The following AEN variants were observed in gnomAD, a reference collection of about 807,000 sequenced individuals.
AEN encodes apoptosis-enhancing nuclease.
Under a neutral mutation model 17.7 loss-of-function variants are expected in AEN, and 21 were observed. The observed-to-expected ratio is 1.19, with a 90% CI of 0.84 to 1.71. AEN has a LOEUF of 1.71. Ranked by LOEUF, AEN falls within the 40% of genes most tolerant of loss-of-function variation. AEN has a pLI of 0.00. For missense variants in AEN, 462 were observed against 435.9 expected (o/e 1.06, Z -0.53); for synonymous variants, 190 against 173.0 (o/e 1.10, Z -0.77).
chr15:88,621,576 G>T (rs1487149128), intron 1 of AEN, 194 bp downstream of exon 1: 1 of 152,340 alleles, frequency 6.6e-6, no homozygotes, highest in Admixed American at 6.5e-5. Flanking sequence ...TCTGCTCGGG[G>T]GTCCAGGGCC....
chr15:88,630,482 A>G lies in AEN; in HGVS notation c.*188A>G. ...ACACAGCATAGCCCTCTCTCTCTCC[A>G]GGGCTGTTGGTTCTTTCTTCTGACT... On this transcript the variant is annotated 3_prime_UTR_variant, in exon 4 of 4. Coordinates refer to ENST00000332810, the MANE Select transcript of AEN (RefSeq NM_022767.4). This position sits in a 1 kb window ranked among gnomAD's most constrained non-coding sequence, Gnocchi z 5.1. The G allele has an allele frequency of 1.7e-6, 1 of 602,738 alleles. No individual in the cohort carries two copies. The highest frequency in any genetic ancestry group is 2.0e-5 in the South Asian group (1 of 49,224). 37.3% of individuals were successfully genotyped at this position (602,738 alleles called of 1,614,324 possible). A position where few individuals can be genotyped will look rare whatever the true frequency, so the allele number is the denominator to read the frequency against.
At chr15:88,613,592 G>T in the AEN span, among the ~76,000 whole-genome samples, 1 of 151,638 alleles carries the variant, frequency 6.6e-6, no homozygotes, top group Non-Finnish European at 1.5e-5. Context: ...ATCTCGGGGG[G>T]GGATGTGGGG....
At chr15:88,629,186 G>C (rs367776576) in intron 2 of AEN, 40 bp from the exon 3 acceptor site, 1 of 1,605,246 alleles carries the variant, frequency 6.2e-7, no homozygotes. Context: ...AACCTGATGG[G>C]GTGTGGGGTG....
At chr15:88,620,117 T>C (rs1417864668), upstream of AEN, among the ~76,000 whole-genome samples, 1 of 152,098 alleles carries the variant, frequency 6.6e-6, no homozygotes, top group East Asian at 1.9e-4. Context: ...TGTACTCCCA[T>C]CAGAAAGAGC....
At chr15:88,613,577 C>T in the AEN span, among the ~76,000 whole-genome samples, 1 of 134,768 alleles carries the variant, frequency 7.4e-6, no homozygotes, top group Non-Finnish European at 1.6e-5. Context: ...CTCAGTGAAA[C>T]AAGCATCTCG....
At chr15:88,607,497 A>G in the AEN span, among the ~76,000 whole-genome samples, 1 of 152,256 alleles carries the variant, frequency 6.6e-6, no homozygotes, top group African/African-American at 2.4e-5. Flanking sequence ...TGCTCTGTGC[A>G]CTGTTTCATC....
At chr15:88,627,320 T>C (rs1480866392) in intron 2 of AEN, 2 of 153,286 alleles carry the variant, frequency 1.3e-5, no homozygotes, top group Non-Finnish European at 2.9e-5. Flanking sequence ...ATCATCACAC[T>C]GTGTAGACTT....
intron 3 of AEN, among the ~76,000 whole-genome samples, chr15:88,629,795 C>G (rs1479744789): frequency 1.3e-5 from 2 of 152,182 alleles, no homozygotes; most frequent in Non-Finnish European, 2.9e-5. Flanking sequence ...TCCTGTTGGG[C>G]TTCACATTTA....
rs981637766 is a variant in AEN, at chr15:88,621,390, C to A, written c.-65+8C>A. On this transcript the variant is annotated splice_region_variant and intron_variant, in intron 1 of 3. Transcript: ENST00000332810. ...AGACACGCGGGGCTTCAGGTGAGAT[C>A]CAGGACCCTGCACCGGGGCGGCGGG... 3.3e-5 allele frequency: 5 copies of A among 152,344 alleles called. No individual in the cohort carries two copies. The highest frequency in any genetic ancestry group is 1.2e-4 in the African/African-American group (5 of 41,478). 9.4% of individuals were successfully genotyped at this position (152,344 alleles called of 1,614,324 possible). A position where few individuals can be genotyped will look rare whatever the true frequency, so the allele number is the denominator to read the frequency against.
chr15:88,608,064 T>C, the AEN span: 39 of 494,064 alleles, frequency 7.9e-5, no homozygotes, highest in East Asian at 2.2e-3. Flanking sequence ...ATTTTCTTTA[T>C]GGACAAAGGG....
At chr15:88,625,514 A>T (rs1188860457) in intron 1 of AEN, among the ~76,000 whole-genome samples, 1 of 152,212 alleles carries the variant, frequency 6.6e-6, no homozygotes, top group Non-Finnish European at 1.5e-5. Context: ...CAAAATAAAT[A>T]AATTAATTAA....
chr15:88,612,435 T>C, the AEN span, among the ~76,000 whole-genome samples: 1,792 of 152,286 alleles, frequency 0.012, 35 homozygotes, highest in African/African-American at 0.04. Flanking sequence ...ATGGAATTTC[T>C]TGGTCCCAGT....
Position 88,626,299 on chromosome 15 carries a change from C to T in AEN, c.90C>T (p.His30=), listed in dbSNP as rs371393876. 1.9e-6 allele frequency: 3 copies of T among 1,613,538 alleles called. No individual in the cohort carries two copies. The highest frequency in any genetic ancestry group is 2.7e-5 in the African/African-American group (2 of 74,932). ...PNAKDVLRKR[H]KRRSRQHQRF... The stretch of plus-strand genomic sequence containing the variant: ...CCAAGGATGTGCTTCGGAAGAGGCA[C>T]AAGAGAAGGAGCCGACAGCACCAGC... Residue 30 remains histidine, a synonymous_variant, in exon 2 of 4, where the codon CAC becomes CAT. Coordinates refer to ENST00000332810, the MANE Select transcript of AEN (RefSeq NM_022767.4).
intron 1 of AEN, among the ~76,000 whole-genome samples, chr15:88,623,824 CAG>C (rs2057817299): frequency 1.3e-5 from 2 of 152,212 alleles, no homozygotes; most frequent in South Asian, 2.1e-4. Context: ...GAGTAGGAAA[CAG>C]AAGATGAAAT....
rs2057849532 is a variant in AEN at position 88,626,204 on chromosome 15, A to T, written c.-6A>T. 1 of 1,572,826 alleles carries T rather than the reference A, an allele frequency of 6.4e-7. No individual in the cohort carries two copies. Among genetic ancestry groups the T allele is most frequent in the African/African-American group, 1.4e-5 (1 of 73,642 alleles). On this transcript the variant is annotated 5_prime_UTR_variant, in exon 2 of 4. Coordinates refer to ENST00000332810, the MANE Select transcript of AEN (RefSeq NM_022767.4). ...TTCCCTTGCCCCAAGCAGTGAGCTGACTGGAATGGTACCCCGGGAGGCCCC... is the reference window on the plus strand; with the variant it reads ...TTCCCTTGCCCCAAGCAGTGAGCTGTCTGGAATGGTACCCCGGGAGGCCCC...
Position 88,630,635 on chromosome 15 carries a change from C to T in AEN, c.*341C>T. 1 of 321,418 alleles carries T rather than the reference C, an allele frequency of 3.1e-6. No homozygotes were observed. The highest frequency in any genetic ancestry group is 2.1e-5 in the African/African-American group (1 of 47,560). 19.9% of individuals were successfully genotyped at this position (321,418 alleles called of 1,614,324 possible). Reference sequence around the variant, plus strand: ...GGTTGCCGTGGCCTTCCCCACCCCCCAGATCTCCTGAGTCATCATGCTGTG... The same window carrying T: ...GGTTGCCGTGGCCTTCCCCACCCCCTAGATCTCCTGAGTCATCATGCTGTG... On this transcript the variant is annotated 3_prime_UTR_variant, in exon 4 of 4. Transcript: ENST00000332810. The surrounding 1 kb of genome is among the most constrained non-coding windows in gnomAD (Gnocchi z 5.1).
Position 88,630,242 on chromosome 15 carries a change from T to C in AEN, c.926T>C (p.Leu309Pro). 2 of 1,600,944 alleles carry C rather than the reference T, an allele frequency of 1.2e-6. No individual in the cohort carries two copies. The highest frequency in any genetic ancestry group is 1.7e-6 in the Non-Finnish European group (2 of 1,174,226). The change falls in exon 4 of 4, where the codon CTG (leucine) becomes CCG (proline). Residue 309 changes from leucine to proline, a missense_variant. By Grantham distance (98) the Leu-to-Pro change is moderately conservative. Coordinates refer to ENST00000332810, the MANE Select transcript of AEN (RefSeq NM_022767.4). This position sits in a 1 kb window ranked among gnomAD's most constrained non-coding sequence, Gnocchi z 5.1. Reference sequence around the variant, plus strand: ...GAGGACCAGTACTGGCCCGATGACCTGGCCCACGGCAGCAGAGGAGGAGCC... The same window carrying C: ...GAGGACCAGTACTGGCCCGATGACCCGGCCCACGGCAGCAGAGGAGGAGCC... ...YMEDQYWPDD[L>P]AHGSRGGARE...
chr15:88,605,872 C>G, the AEN span, among the ~76,000 whole-genome samples: 2 of 152,234 alleles, frequency 1.3e-5, no homozygotes, highest in East Asian at 1.9e-4. This position sits in a 1 kb window ranked among gnomAD's most constrained non-coding sequence, Gnocchi z 7.6. Context: ...TGCCTGCGCA[C>G]GGCTCGGCCT....
intron 1 of AEN, 133 bp downstream of exon 1, chr15:88,621,515 C>T (rs970152497): frequency 4.6e-5 from 7 of 152,288 alleles, no homozygotes; most frequent in Middle Eastern, 3.2e-3. Flanking sequence ...TGACCCTGCC[C>T]TACCGGCCCG....
Sources: gnomAD v4.1 joint callset for allele counts (sites outside exome capture counted in the v4.1 genomes callset) on GRCh38, gnomAD v4.1.1 for gene constraint, Gnocchi (gnomAD v3.1) non-coding constraint, MANE v1.5 for transcripts, NCBI Gene and HGNC (gene_info 2026-07-23, HGNC 2026-07-21) for gene names.